Variants in COL19A1 observed in about 807,000 individuals in gnomAD.
The protein encoded by COL19A1 is collagen alpha-1(XIX) chain.
In COL19A1, 159 loss-of-function variants were observed where a neutral mutation model predicts 190.2. The ratio of observed to expected loss-of-function variants is 0.84; its 90% CI spans 0.73 to 0.95. The LOEUF is 0.95. Ranked by LOEUF, COL19A1 falls within the 40% of genes least tolerant of loss-of-function variation. The pLI, the probability that COL19A1 is intolerant of heterozygous loss-of-function variation, is 0.00. For missense variants in COL19A1, 1,418 were observed against 1,431.9 expected, an observed-to-expected ratio of 0.99 and a Z score of 0.16; for synonymous variants, 509 against 458.9, an observed-to-expected ratio of 1.11 and a Z score of -1.39.
intron 15 of COL19A1, among the ~76,000 whole-genome samples, chr6:70,083,425 C>T (rs1037374385): frequency 6.6e-6 from 1 of 151,768 alleles, no homozygotes; most frequent in African/African-American, 2.4e-5. Context: ...GGAATTTATA[C>T]TTCATATGTG....
intron 30 of COL19A1, 67 bp downstream of exon 30, chr6:70,150,112 G>A: frequency 1.3e-6 from 2 of 1,535,218 alleles, no homozygotes; most frequent in East Asian, 2.3e-5. Context: ...AGCCTACCAA[G>A]CAAGTTTTGC....
At chr6:69,984,013 T>C (rs1776185165) in intron 11 of COL19A1, among the ~76,000 whole-genome samples, 1 of 152,138 alleles carries the variant, frequency 6.6e-6, no homozygotes, top group African/African-American at 2.4e-5. Flanking sequence ...AGAAGGAGTA[T>C]GTGTAATATC....
intron 14 of COL19A1, among the ~76,000 whole-genome samples, chr6:70,056,731 G>C (rs1483776872): frequency 6.6e-6 from 1 of 152,024 alleles, no homozygotes; most frequent in Non-Finnish European, 1.5e-5. Flanking sequence ...AAGGCCAGTA[G>C]AAAGAAGTTA....
chr6:70,109,387 C>T (rs868381540), intron 16 of COL19A1, among the ~76,000 whole-genome samples: 11 of 151,970 alleles, frequency 7.2e-5, no homozygotes, highest in Middle Eastern at 3.2e-3. Context: ...ATTCAATAAA[C>T]ATAAAGGAGC....
intron 18 of COL19A1, among the ~76,000 whole-genome samples, chr6:70,133,677 G>A (rs940008208): frequency 6.6e-6 from 1 of 152,174 alleles, no homozygotes; most frequent in African/African-American, 2.4e-5. Context: ...TAATAGCATC[G>A]AAAGTGTCAA....
At chr6:70,146,556 T>C in intron 25 of COL19A1, 103 bp from the exon 26 acceptor site, 1 of 782,656 alleles carries the variant, frequency 1.3e-6, no homozygotes, top group Non-Finnish European at 1.9e-6. Flanking sequence ...AAAAGATTTA[T>C]TCAAGCAAGA....
intron 4 of COL19A1, among the ~76,000 whole-genome samples, chr6:69,918,906 G>A (rs750818748): frequency 4.6e-5 from 7 of 152,112 alleles, no homozygotes; most frequent in Non-Finnish European, 7.4e-5. Flanking sequence ...AATATAAAAC[G>A]TTCAATTTCA....
chr6:70,103,506 C>T (rs966090985), intron 16 of COL19A1, among the ~76,000 whole-genome samples: 2 of 152,170 alleles, frequency 1.3e-5, no homozygotes, highest in African/African-American at 4.8e-5. Flanking sequence ...ATTCCACATC[C>T]TCTACATGCC....
At chr6:69,920,773 G>A (rs557792058) in intron 4 of COL19A1, among the ~76,000 whole-genome samples, 44 of 150,884 alleles carry the variant, frequency 2.9e-4, no homozygotes, top group Non-Finnish European at 5.3e-4. Context: ...CTGAGTCTAG[G>A]CTCTTCAAAT....
intron 1 of COL19A1, among the ~76,000 whole-genome samples, chr6:69,870,736 G>A (rs1404082746): frequency 6.6e-6 from 1 of 152,132 alleles, no homozygotes; most frequent in Non-Finnish European, 1.5e-5. Context: ...TGAGAAGTAG[G>A]GAGGTGGAAA....
chr6:70,065,139 A>C (rs574995639), intron 14 of COL19A1, among the ~76,000 whole-genome samples: 124 of 152,178 alleles, frequency 8.1e-4, no homozygotes, highest in African/African-American at 2.8e-3. Flanking sequence ...AAAAAGAGCC[A>C]GCATTGCCAA....
chr6:69,936,697 C>A, intron 7 of COL19A1, 88 bp from the exon 8 acceptor site: 2 of 1,518,744 alleles, frequency 1.3e-6, no homozygotes, highest in Admixed American at 1.9e-5. Context: ...GCAACCTCAG[C>A]AATCCCTAGT....
At chr6:70,090,584 C>T (rs1487569159) in intron 15 of COL19A1, among the ~76,000 whole-genome samples, 1 of 152,144 alleles carries the variant, frequency 6.6e-6, no homozygotes, top group East Asian at 1.9e-4. Flanking sequence ...CGACTCTACA[C>T]ACCTGTAAGG....
At position 70,068,449 on chromosome 6, in the gene COL19A1, A is replaced by G. The variant is rs1781373344; in HGVS notation, c.1197A>G (p.Gln399=). Residue 399 remains glutamine (Q), a synonymous_variant, in exon 15 of 51, where the codon CAA becomes CAG. Transcript: ENST00000620364. ...GTTCCCTGGGGATACAAGGCCCCCA[A>G]GGTCCACCTGGAAAAGAGGGTCAGA... ...LPGSLGIQGP[Q]GPPGKEGQRG... The G allele has an allele frequency of 1.2e-6, 2 of 1,601,764 alleles. No individual in the cohort carries two copies. Among genetic ancestry groups the G allele is most frequent in the Admixed American group, 1.7e-5 (1 of 59,606 alleles).
chr6:69,983,041 C>A (rs1462584123), intron 11 of COL19A1, among the ~76,000 whole-genome samples: 2 of 150,616 alleles, frequency 1.3e-5, no homozygotes, highest in African/African-American at 4.9e-5. Context: ...AATCAACATG[C>A]CAATTTCCAC....
chr6:69,955,177 A>G (rs537641421), intron 9 of COL19A1, among the ~76,000 whole-genome samples: 226 of 152,226 alleles, frequency 1.5e-3, no homozygotes, highest in African/African-American at 5.2e-3. Flanking sequence ...TGTGCCTGAC[A>G]CTTTCAGGAA....
At chr6:70,162,402 C>T (rs1051920113) in intron 35 of COL19A1, among the ~76,000 whole-genome samples, 5 of 152,068 alleles carry the variant, frequency 3.3e-5, no homozygotes, top group African/African-American at 1.2e-4. Context: ...TTAGTCAAGG[C>T]TTTCACTGCC....
chr6:70,087,367 T>TA (rs1032964777), intron 15 of COL19A1, among the ~76,000 whole-genome samples: 3 of 152,068 alleles, frequency 2.0e-5, no homozygotes, highest in Non-Finnish European at 4.4e-5. Context: ...AGCAAAGATC[T>TA]AAAATAGATG....
In COL19A1 at chr6:70,156,380, C is replaced by T; in HGVS notation, c.2238+11C>T. On this transcript the variant is annotated intron_variant, in intron 33 of 50. Coordinates refer to ENST00000620364, the MANE Select transcript of COL19A1 (RefSeq NM_001858.6). ...AGAGAGGGACCAAAGGTAAGAAATT[C>T]TCTCCTCCACTTTCCCCTGTGGGAA... 6.2e-7 allele frequency: 1 copy of T among 1,612,760 alleles called. No homozygotes were observed. The highest frequency in any genetic ancestry group is 1.3e-5 in the African/African-American group (1 of 74,916).
Sources: gnomAD v4.1 joint callset for allele counts (sites outside exome capture counted in the v4.1 genomes callset) on GRCh38, gnomAD v4.1.1 for gene constraint, MANE v1.5 for transcripts, NCBI Gene and HGNC (gene_info 2026-07-23, HGNC 2026-07-21) for gene names.